Variants in S100Z observed in about 807,000 individuals in gnomAD.
The protein encoded by S100Z is protein S100-Z.
Under a neutral mutation model 8.5 loss-of-function variants are expected in S100Z, and 11 were observed. The ratio of observed to expected loss-of-function variants is 1.30; its 90% CI spans 0.82 to 2.15. The LOEUF (loss-of-function observed/expected upper bound fraction) is 2.15, where lower values mean the gene tolerates loss of function less well. Ranked by LOEUF, S100Z falls within the 30% of genes most tolerant of loss-of-function variation. The pLI is 0.00. For synonymous variants in S100Z, 34 were observed against 43.8 expected, an observed-to-expected ratio of 0.78 and a Z score of 0.89; for missense variants, 126 against 117.9, an observed-to-expected ratio of 1.07 and a Z score of -0.32.
chr5:76,932,565 G>A, the S100Z span, among the ~76,000 whole-genome samples: 1 of 152,110 alleles, frequency 6.6e-6, no homozygotes, highest in Admixed American at 6.5e-5. Flanking sequence ...TGTTGGCCAG[G>A]CTGGTCTCGA....
chr5:76,879,166 G>T (rs768707522), intron 4 of S100Z, among the ~76,000 whole-genome samples: 1 of 152,158 alleles, frequency 6.6e-6, no homozygotes, highest in Non-Finnish European at 1.5e-5. Flanking sequence ...CTTCCACCTT[G>T]TTGAGTCTTT....
the S100Z span, among the ~76,000 whole-genome samples, chr5:76,945,409 CCTCTTGCAGTTGAGATAAGAGGAAGGT>C: frequency 6.6e-6 from 1 of 152,120 alleles, no homozygotes; most frequent in Non-Finnish European, 1.5e-5. Context: ...AAGAGGAAGG[CCTCTTGCAGTTGAGATAAGAGGAAGGT>C]CTCTGTCTCC....
chr5:76,875,487 C>T lies in S100Z; in HGVS notation c.128C>T (p.Thr43Met), dbSNP rs1378443848. Residue 43 changes from threonine to methionine, a missense_variant, in exon 3 of 5, where the codon ACG becomes ATG. Thr to Met is a moderately conservative substitution (Grantham distance 81). Coordinates refer to ENST00000317593, the MANE Select transcript of S100Z (RefSeq NM_130772.4). ...AAACTGCTCCTGCAGCGAGAGCTCA[C>T]GGAATTCCTCTCGGTGAGTCAGGCC... ...ELKLLLQREL[T>M]EFLSCQKETQ... 1.2e-6 allele frequency: 2 copies of T among 1,607,312 alleles called. No individual in the cohort carries two copies. The highest frequency in any genetic ancestry group is 1.7e-4 in the Middle Eastern group (1 of 6,026).
intron 4 of S100Z, among the ~76,000 whole-genome samples, chr5:76,919,520 C>T (rs11742108): frequency 0.64 from 93,356 of 146,426 alleles, 30,206 homozygotes; most frequent in African/African-American, 0.68. Context: ...TTCTCTTCTT[C>T]TCCCTTCCTC....
intron 4 of S100Z, among the ~76,000 whole-genome samples, chr5:76,905,633 C>T (rs149576259): frequency 0.014 from 2,092 of 151,952 alleles, 58 homozygotes; most frequent in East Asian, 0.11. Context: ...AGGATGGTCT[C>T]GATCTCCTGA....
At chr5:76,915,246 A>G (rs1744816250) in intron 4 of S100Z, among the ~76,000 whole-genome samples, 1 of 148,372 alleles carries the variant, frequency 6.7e-6, no homozygotes, top group Admixed American at 6.9e-5. Context: ...CGGAGCTTGC[A>G]GTGAGCTGAG....
rs1034413448 is a variant in S100Z at position 76,852,295 on chromosome 5, A to AT, written c.-176+2150dup. ...TGTAATAAAAAAAATTAGTCAAGATATTTTTTTTTTCTTAGTCTCAATTTT... is the reference window on the plus strand; with the variant it reads ...TGTAATAAAAAAAATTAGTCAAGATATTTTTTTTTTTCTTAGTCTCAATTTT... On this transcript the variant is annotated intron_variant, in intron 1 of 4. Transcript: ENST00000317593. 4.7e-5 allele frequency among the ~76,000 whole-genome samples: 7 copies of AT among 150,300 alleles called. No individual in the cohort carries two copies. In the South Asian group the frequency reaches 6.3e-4, roughly 14 times the overall value.
chr5:76,852,526 A>G (rs1234539891), intron 1 of S100Z, among the ~76,000 whole-genome samples: 1 of 152,140 alleles, frequency 6.6e-6, no homozygotes, highest in African/African-American at 2.4e-5. Context: ...CCTGGCCAAC[A>G]TGGTGAAAAC....
intron 4 of S100Z, among the ~76,000 whole-genome samples, chr5:76,916,262 C>T (rs566798983): frequency 7.9e-5 from 12 of 151,236 alleles, no homozygotes; most frequent in Non-Finnish European, 1.2e-4. Context: ...TATATATGTA[C>T]CAAATAACAG....
At chr5:76,906,429 T>A (rs1306772542) in intron 4 of S100Z, among the ~76,000 whole-genome samples, 1 of 152,146 alleles carries the variant, frequency 6.6e-6, no homozygotes, top group African/African-American at 2.4e-5. Flanking sequence ...ATCACTCCAT[T>A]TCTCTGGCCT....
At chr5:76,912,433 G>A (rs1258689433) in intron 4 of S100Z, among the ~76,000 whole-genome samples, 3 of 152,158 alleles carry the variant, frequency 2.0e-5, no homozygotes, top group Non-Finnish European at 4.4e-5. Flanking sequence ...TGGAGAGTGG[G>A]ATATGAAGGG....
intron 1 of S100Z, among the ~76,000 whole-genome samples, chr5:76,864,855 C>T (rs971867190): frequency 2.6e-5 from 4 of 152,040 alleles, no homozygotes; most frequent in African/African-American, 4.8e-5. Context: ...ACTACAGTCG[C>T]ACATCACCAT....
Position 76,870,531 on chromosome 5 carries a change from CCA to C in S100Z, c.-57+248_-57+249del, listed in dbSNP as rs775071467. Among the ~76,000 whole-genome samples the C allele has an allele frequency of 1.8e-3, 272 of 152,178 alleles. 3 individuals carry two copies. Among genetic ancestry groups the C allele is most frequent in the Non-Finnish European group, 1.5e-3 (104 of 68,020 alleles). The stretch of plus-strand genomic sequence containing the variant: ...ACAGAACCCCTCTGAAGGGCTGCTC[CCA>C]GGATGTAGACCTTGGTCTATAGTCC... On this transcript the variant is annotated intron_variant, in intron 2 of 4. Transcript: ENST00000317593.
At chr5:76,939,312 C>G in the S100Z span, among the ~76,000 whole-genome samples, 1 of 151,920 alleles carries the variant, frequency 6.6e-6, no homozygotes, top group Non-Finnish European at 1.5e-5. Context: ...ACCACCACGC[C>G]TGGCTAATTT....
intron 4 of S100Z, among the ~76,000 whole-genome samples, chr5:76,883,077 A>T (rs1260163454): frequency 6.6e-6 from 1 of 152,190 alleles, no homozygotes; most frequent in Non-Finnish European, 1.5e-5. Flanking sequence ...GCCATGCTGT[A>T]ACAGGCAAGT....
intron 2 of S100Z, among the ~76,000 whole-genome samples, chr5:76,873,241 T>A (rs1283819038): frequency 6.6e-6 from 1 of 152,116 alleles, no homozygotes; most frequent in African/African-American, 2.4e-5. Context: ...AGAGAGAATT[T>A]TACTATTTCA....
the S100Z span, among the ~76,000 whole-genome samples, chr5:76,936,977 T>C: frequency 1.3e-5 from 2 of 152,086 alleles, no homozygotes; most frequent in African/African-American, 4.8e-5. Context: ...TTATTCTCTG[T>C]ATTATGGACA....
chr5:76,869,171 A>G (rs779227888), intron 1 of S100Z, among the ~76,000 whole-genome samples: 1 of 152,208 alleles, frequency 6.6e-6, no homozygotes, highest in Non-Finnish European at 1.5e-5. Context: ...TGTGGAATGC[A>G]TAGATGAACC....
the S100Z span, among the ~76,000 whole-genome samples, chr5:76,950,367 CTG>C: frequency 6.6e-6 from 1 of 152,184 alleles, no homozygotes; most frequent in Non-Finnish European, 1.5e-5. Flanking sequence ...CAGAAGTTCT[CTG>C]TGTGTGTCTC....
Sources: gnomAD v4.1 joint callset for allele counts (sites outside exome capture counted in the v4.1 genomes callset) on GRCh38, gnomAD v4.1.1 for gene constraint, MANE v1.5 for transcripts, NCBI Gene and HGNC (gene_info 2026-07-23, HGNC 2026-07-21) for gene names.